The following C12orf75 variants were observed in gnomAD, a reference collection of about 807,000 sequenced individuals.
C12orf75 encodes overexpressed in colon carcinoma 1 protein.
Under a neutral mutation model 11.4 loss-of-function variants are expected in C12orf75, and 4 were observed. The ratio of observed to expected loss-of-function variants is 0.35; its 90% CI spans 0.17 to 0.80. C12orf75 has a LOEUF of 0.80. C12orf75 is among the 30% of genes least tolerant of loss of function. C12orf75 has a pLI of 0.52. For missense variants in C12orf75, 89 were observed against 80.4 expected, an observed-to-expected ratio of 1.11 and a Z score of -0.41; for synonymous variants, 30 against 30.0, an observed-to-expected ratio of 1.00 and a Z score of 0.00.
intron 2 of C12orf75, among the ~76,000 whole-genome samples, chr12:105,364,386 A>G (rs1421113561): frequency 2.6e-5 from 4 of 152,232 alleles, no homozygotes; most frequent in African/African-American, 9.6e-5. Flanking sequence ...AATTTAGGTT[A>G]TATGCTCAGT....
intron 4 of C12orf75, 119 bp downstream of exon 4, chr12:105,366,815 C>T (rs895185009): frequency 1.5e-6 from 1 of 647,486 alleles, no homozygotes; most frequent in African/African-American, 1.8e-5. Flanking sequence ...TGCAGTGAAC[C>T]ATGTATAAGT....
chr12:105,330,878 C>T lies in C12orf75; in HGVS notation c.-14C>T, dbSNP rs1366483973. On this transcript the variant is annotated 5_prime_UTR_variant, in exon 1 of 6. Coordinates refer to ENST00000443585, the MANE Select transcript of C12orf75 (RefSeq NM_001145199.2). ...CGAGAGCTCCGGAGCGCGGCTTCCC[C>T]GGCCGGCTGCGCGATGGGCTGCGGG... 13 of 1,253,836 alleles carry T rather than the reference C, an allele frequency of 1.0e-5. No homozygotes were observed. Among genetic ancestry groups the T allele is most frequent in the Non-Finnish European group, 1.2e-5 (12 of 1,000,306 alleles). 77.7% of individuals were successfully genotyped at this position (1,253,836 alleles called of 1,614,324 possible).
At chr12:105,366,578 A>G (rs1871478586) in intron 3 of C12orf75, 39 bp from the exon 4 acceptor site, 2 of 990,252 alleles carry the variant, frequency 2.0e-6, no homozygotes, top group Admixed American at 2.1e-5. Flanking sequence ...CTGTAAATAG[A>G]TAGTACCATT....
At chr12:105,335,946 A>G (rs1302918497) in intron 1 of C12orf75, among the ~76,000 whole-genome samples, 1 of 152,280 alleles carries the variant, frequency 6.6e-6, no homozygotes, top group African/African-American at 2.4e-5. Flanking sequence ...GTACTGATGT[A>G]GCAATTGAGT....
rs765935346 is a variant in C12orf75 at position 105,333,028 on chromosome 12, C to G, written c.46+2091C>G. Among the ~76,000 whole-genome samples, 12 of 151,876 alleles carry G rather than the reference C, an allele frequency of 7.9e-5. No individual in the cohort carries two copies. In the East Asian group the frequency reaches 1.7e-3, roughly 22 times the overall value. On this transcript the variant is annotated intron_variant, in intron 1 of 5. Coordinates refer to ENST00000443585, the MANE Select transcript of C12orf75 (RefSeq NM_001145199.2). ...GAGAGCATGCTATTCTCTCCTCCAG[C>G]TTGCTGTTTGCCAAAAATTACTTTT...
intron 2 of C12orf75, among the ~76,000 whole-genome samples, chr12:105,350,545 G>A (rs1400057700): frequency 6.6e-6 from 1 of 152,164 alleles, no homozygotes; most frequent in Non-Finnish European, 1.5e-5. Context: ...GTTATCCTTT[G>A]TGAGAAGTAT....
chr12:105,370,695 C>G lies in C12orf75; in HGVS notation c.*95C>G, dbSNP rs369800196. 2.2e-6 allele frequency: 1 copy of G among 457,442 alleles called. No homozygotes were observed. Among genetic ancestry groups the G allele is most frequent in the African/African-American group, 2.0e-5 (1 of 50,042 alleles). 28.3% of individuals were successfully genotyped at this position (457,442 alleles called of 1,614,324 possible). On this transcript the variant is annotated 3_prime_UTR_variant, in exon 6 of 6. Coordinates refer to ENST00000443585, the MANE Select transcript of C12orf75 (RefSeq NM_001145199.2). ...GACGTTGTAATGTGCACAGACATTTCCAAGGAAATTCTAAACAGTCACCCT... is the reference window on the plus strand; with the variant it reads ...GACGTTGTAATGTGCACAGACATTTGCAAGGAAATTCTAAACAGTCACCCT...
chr12:105,366,146 C>T (rs966607622), intron 3 of C12orf75: 7 of 386,292 alleles, frequency 1.8e-5, no homozygotes, highest in Non-Finnish European at 3.3e-5. Flanking sequence ...CCTTCCCTGT[C>T]CTCCTACTTC....
intron 5 of C12orf75, among the ~76,000 whole-genome samples, chr12:105,369,599 T>C (rs1238822284): frequency 6.6e-6 from 1 of 152,142 alleles, no homozygotes; most frequent in Admixed American, 6.5e-5. Context: ...CCTAATGCTC[T>C]CCCTCCCCTT....
chr12:105,371,110 A>G lies in C12orf75; in HGVS notation c.*510A>G, dbSNP rs1871613537. On this transcript the variant is annotated 3_prime_UTR_variant, in exon 6 of 6. Transcript: ENST00000443585. Reference sequence around the variant, plus strand: ...CTTCACTTTAATTTTTAGCTGTAAAATTGGTAAATGGATTCTTACAACTAT... The same window carrying G: ...CTTCACTTTAATTTTTAGCTGTAAAGTTGGTAAATGGATTCTTACAACTAT... 6.5e-6 allele frequency: 1 copy of G among 154,550 alleles called. No homozygotes were observed. The highest frequency in any genetic ancestry group is 6.3e-5 in the Admixed American group (1 of 15,838). The allele number at this position is 154,550 out of a possible 1,614,324, so 9.6% of individuals were successfully genotyped here.
At chr12:105,341,698 T>A (rs1474814849) in intron 1 of C12orf75, among the ~76,000 whole-genome samples, 1 of 152,188 alleles carries the variant, frequency 6.6e-6, no homozygotes, top group Non-Finnish European at 1.5e-5. Context: ...TATACCACAG[T>A]CCTGATGGGT....
intron 1 of C12orf75, among the ~76,000 whole-genome samples, chr12:105,331,245 G>A (rs1238778179): frequency 2.0e-5 from 3 of 151,914 alleles, no homozygotes; most frequent in African/African-American, 2.4e-5. Context: ...TCTCCTGGGG[G>A]AGAGGATTCC....
intron 1 of C12orf75, among the ~76,000 whole-genome samples, chr12:105,345,158 C>G (rs1892622558): frequency 1.3e-5 from 2 of 152,098 alleles, no homozygotes. Context: ...AAAGCAGACT[C>G]TTTGTAGCAG....
At chr12:105,343,940 T>C (rs1199767445) in intron 1 of C12orf75, among the ~76,000 whole-genome samples, 1 of 152,154 alleles carries the variant, frequency 6.6e-6, no homozygotes, top group African/African-American at 2.4e-5. Flanking sequence ...AGTTATTCAG[T>C]TGATGATGCC....
rs1376596347 is a variant in C12orf75, at chr12:105,366,006, A to G, written c.107+164A>G. The G allele has an allele frequency of 4.6e-6, 3 of 656,810 alleles. No individual in the cohort carries two copies. In the East Asian group the frequency reaches 8.2e-5, roughly 18 times the overall value. 40.7% of individuals were successfully genotyped at this position (656,810 alleles called of 1,614,324 possible). On this transcript the variant is annotated intron_variant, in intron 3 of 5. Transcript: ENST00000443585. ...TGGTCTGAAAAAGAACTTGCCCAGG[A>G]TTCATCATCTTTGCTCCTTCCAAGC...
Position 105,348,643 on chromosome 12 carries a change from A to G in C12orf75, c.71+17A>G, listed in dbSNP as rs1892671922. On this transcript the variant is annotated intron_variant, in intron 2 of 5. Coordinates refer to ENST00000443585, the MANE Select transcript of C12orf75 (RefSeq NM_001145199.2). Reference sequence around the variant, plus strand: ...CAAAGATGTGTAAGTATTGAATATTAATGATTTTATAAGCTGTCTTTCTGA... The same window carrying G: ...CAAAGATGTGTAAGTATTGAATATTGATGATTTTATAAGCTGTCTTTCTGA... 3 of 1,518,102 alleles carry G rather than the reference A, an allele frequency of 2.0e-6. No homozygotes were observed. The highest frequency in any genetic ancestry group is 1.4e-5 in the African/African-American group (1 of 71,838). 94.0% of individuals were successfully genotyped at this position (1,518,102 alleles called of 1,614,324 possible).
intron 1 of C12orf75, among the ~76,000 whole-genome samples, chr12:105,340,228 A>T (rs1892551134): frequency 6.6e-6 from 1 of 151,554 alleles, no homozygotes; most frequent in Non-Finnish European, 1.5e-5. Context: ...GATCAAGACC[A>T]TCCTTGCTAA....
At chr12:105,333,227 T>C (rs528853293) in intron 1 of C12orf75, among the ~76,000 whole-genome samples, 1 of 152,308 alleles carries the variant, frequency 6.6e-6, no homozygotes, top group South Asian at 2.1e-4. Flanking sequence ...ATTTGGTCAT[T>C]GTTATTTTGA....
At chr12:105,363,008 T>G (rs1381347778) in intron 2 of C12orf75, among the ~76,000 whole-genome samples, 1 of 152,240 alleles carries the variant, frequency 6.6e-6, no homozygotes, top group Non-Finnish European at 1.5e-5. Context: ...ATCGCCCACT[T>G]TAGGAGAAGC....
Sources: gnomAD v4.1 joint callset for allele counts (sites outside exome capture counted in the v4.1 genomes callset) on GRCh38, gnomAD v4.1.1 for gene constraint, MANE v1.5 for transcripts, NCBI Gene and HGNC (gene_info 2026-07-23, HGNC 2026-07-21) for gene names.